SIK3: variants seen among roughly 807,000 people sequenced by gnomAD.
SIK3 encodes serine/threonine-protein kinase SIK3.
In SIK3, 28 loss-of-function variants were observed where a neutral mutation model predicts 144.2. The observed-to-expected ratio is 0.19, with a 90% CI of 0.14 to 0.27. The LOEUF (loss-of-function observed/expected upper bound fraction) is 0.27. Among genes scored for constraint, SIK3 ranks in the 10% least tolerant of loss-of-function variants. The pLI is 1.00. For synonymous variants in SIK3, 686 were observed against 676.3 expected, an observed-to-expected ratio of 1.01 and a Z score of -0.22; for missense variants, 1,319 against 1,776.0, an observed-to-expected ratio of 0.74 and a Z score of 4.62.
At chr11:116,889,423 T>A (rs1289778892) in intron 6 of SIK3, among the ~76,000 whole-genome samples, 1 of 151,890 alleles carries the variant, frequency 6.6e-6, no homozygotes, top group Admixed American at 6.6e-5. Context: ...AAAAATTAGC[T>A]TGGAATGGTG....
intron 3 of SIK3, among the ~76,000 whole-genome samples, chr11:116,936,292 A>G (rs969729949): frequency 2.0e-5 from 3 of 151,872 alleles, no homozygotes; most frequent in African/African-American, 7.3e-5. Context: ...TGATTCTCCT[A>G]TCTCAGCCTC....
chr11:117,011,962 C>T lies in SIK3; in HGVS notation c.274-54898G>A, dbSNP rs1024336882. 3.3e-5 allele frequency among the ~76,000 whole-genome samples: 5 copies of T among 152,000 alleles called. 1 individual carries two copies. Among genetic ancestry groups the T allele is most frequent in the African/African-American group, 1.2e-4 (5 of 41,372 alleles). On this transcript the variant is annotated intron_variant, in intron 1 of 24. Coordinates refer to ENST00000445177, the MANE Select transcript of SIK3 (RefSeq NM_001366686.3). ...TTGGCGGTCTGGCTATCAATACAAG[C>T]CCAATCTGGTTATCCCCTAAACACT...
At chr11:117,001,686 CCTCAAACGATT>C (rs1369934087) in intron 1 of SIK3, among the ~76,000 whole-genome samples, 1 of 152,002 alleles carries the variant, frequency 6.6e-6, no homozygotes, top group Non-Finnish European at 1.5e-5. Context: ...TGCCTCCAGG[CCTCAAACGATT>C]CTCCCACCTC....
chr11:116,973,107 G>A (rs1949821246), intron 1 of SIK3, among the ~76,000 whole-genome samples: 1 of 152,280 alleles, frequency 6.6e-6, no homozygotes, highest in Admixed American at 6.5e-5. Flanking sequence ...TGACAATGCA[G>A]TCCATTTAAT....
intron 6 of SIK3, among the ~76,000 whole-genome samples, chr11:116,886,762 T>C (rs898959980): frequency 1.3e-5 from 2 of 152,144 alleles, no homozygotes; most frequent in East Asian, 3.9e-4. Flanking sequence ...TAAAAAAATA[T>C]ATTGAATGAA....
At chr11:116,845,714 C>A (rs528240109) in intron 24 of SIK3, 85 bp from the exon 25 acceptor site, 3 of 152,202 alleles carry the variant, frequency 2.0e-5, no homozygotes, top group Non-Finnish European at 4.4e-5. Context: ...AAAAATGCAA[C>A]GGGTTTACTT....
chr11:116,876,871 G>A, intron 7 of SIK3, 53 bp downstream of exon 7: 1 of 1,427,844 alleles, frequency 7.0e-7, no homozygotes, highest in Non-Finnish European at 9.9e-7. Context: ...ACATGCAAAG[G>A]AGGCTGCAGC....
At chr11:117,075,653 T>G (rs1480431241) in intron 1 of SIK3, among the ~76,000 whole-genome samples, 1 of 150,574 alleles carries the variant, frequency 6.6e-6, no homozygotes, top group African/African-American at 2.4e-5. Flanking sequence ...GCCATTCTCC[T>G]GCTTCAGCCT....
At chr11:117,062,218 A>G (rs982858260) in intron 1 of SIK3, among the ~76,000 whole-genome samples, 3 of 152,170 alleles carry the variant, frequency 2.0e-5, no homozygotes, top group African/African-American at 7.2e-5. Context: ...TGCTAATGTT[A>G]TATTTTCAGT....
chr11:117,089,324 G>A (rs897426141), intron 1 of SIK3, among the ~76,000 whole-genome samples: 3 of 151,494 alleles, frequency 2.0e-5, no homozygotes, highest in East Asian at 2.0e-4. Flanking sequence ...GGAGAACGGC[G>A]TGAACCCGAG....
chr11:117,072,081 C>T (rs541010909), intron 1 of SIK3, among the ~76,000 whole-genome samples: 4 of 150,848 alleles, frequency 2.7e-5, no homozygotes, highest in Non-Finnish European at 5.9e-5. Flanking sequence ...TATTTAATCT[C>T]AAATACTAAA....
At chr11:116,895,085 C>T (rs759083102) in intron 6 of SIK3, among the ~76,000 whole-genome samples, 1 of 152,198 alleles carries the variant, frequency 6.6e-6, no homozygotes, top group Non-Finnish European at 1.5e-5. Context: ...ACAGTAAAAT[C>T]TAAAGTCTTT....
At chr11:117,096,154 GTC>G (rs1955462847) in intron 1 of SIK3, among the ~76,000 whole-genome samples, 1 of 152,216 alleles carries the variant, frequency 6.6e-6, no homozygotes, top group Admixed American at 6.5e-5. Context: ...AGATAGAAAT[GTC>G]TCTTTTATAT....
chr11:116,918,836 A>G (rs1285201470), intron 4 of SIK3, among the ~76,000 whole-genome samples: 2 of 152,248 alleles, frequency 1.3e-5, no homozygotes, highest in Non-Finnish European at 2.9e-5. Context: ...GTAAAGTTCT[A>G]GTCTCAGGAA....
At chr11:116,856,932 AAT>A (rs1040696147) in intron 21 of SIK3, 1 of 152,156 alleles carries the variant, frequency 6.6e-6, no homozygotes, top group Non-Finnish European at 1.5e-5. Flanking sequence ...TTTACAGATA[AAT>A]TGCTTTTTAT....
intron 1 of SIK3, among the ~76,000 whole-genome samples, chr11:117,045,481 T>C (rs1318116126): frequency 1.3e-5 from 2 of 152,166 alleles, no homozygotes; most frequent in African/African-American, 4.8e-5. Flanking sequence ...CTCTGACCTA[T>C]AAAGACCAAA....
At chr11:116,930,263 T>G (rs1274306094) in intron 3 of SIK3, among the ~76,000 whole-genome samples, 1 of 152,078 alleles carries the variant, frequency 6.6e-6, no homozygotes, top group Non-Finnish European at 1.5e-5. Context: ...CCCCAACCCC[T>G]ACTCCCATTG....
rs189745490 is a variant in SIK3 at position 116,846,016 on chromosome 11, G to A, written c.*13+367C>T. On this transcript the variant is annotated intron_variant, in intron 24 of 24. Coordinates refer to ENST00000445177, the MANE Select transcript of SIK3 (RefSeq NM_001366686.3). This position sits in a 1 kb window ranked among gnomAD's most constrained non-coding sequence, Gnocchi z 4.1. ...GCCAGGTTTTGTCTTTTAGGACTGA[G>A]TTTAAGGACTTCCTCCTTTCCTCAT... Among the ~76,000 whole-genome samples the A allele has an allele frequency of 7.6e-4, 116 of 152,296 alleles. No individual in the cohort carries two copies. The highest frequency in any genetic ancestry group is 1.2e-3 in the Non-Finnish European group (82 of 68,026).
Position 116,859,433 on chromosome 11 carries a change from A to T in SIK3, c.2597T>A (p.Leu866His). The T allele has an allele frequency of 2.5e-6, 4 of 1,614,208 alleles. No homozygotes were observed. In the South Asian group the frequency reaches 4.4e-5, roughly 18 times the overall value. ...TGCAGCTGTGCCTGGCATGTTGCTGAGCATGTCAACAGGCTCTTGGACTTG... is the reference window on the plus strand; with the variant it reads ...TGCAGCTGTGCCTGGCATGTTGCTGTGCATGTCAACAGGCTCTTGGACTTG... The part of the protein sequence containing the change: ...TIQVQEPVDM[L>H]SNMPGTAAGS... The change falls in exon 20 of 25, where the codon CTC becomes CAC. Residue 866 changes from leucine to histidine, a missense_variant. Physicochemically the swap from Leu to His is moderately conservative, Grantham distance 99. Around this residue, in one of 8 missense-constraint regions of SIK3, gnomAD observed 646 missense variants for 763.7 expected, o/e 0.85. Coordinates refer to ENST00000445177, the MANE Select transcript of SIK3 (RefSeq NM_001366686.3).
Sources: gnomAD v4.1 joint callset for allele counts (sites outside exome capture counted in the v4.1 genomes callset) on GRCh38, gnomAD v4.1.1 for gene constraint, gnomAD v4.1.1 regional missense constraint, Gnocchi (gnomAD v3.1) non-coding constraint, MANE v1.5 for transcripts, NCBI Gene and HGNC (gene_info 2026-07-23, HGNC 2026-07-21) for gene names.